CCL28: variants seen among roughly 807,000 people sequenced by gnomAD.
The protein encoded by CCL28 is C-C motif chemokine ligand 28.
CCL28 carries 4 observed loss-of-function variants against 7.1 expected under a neutral mutation model. The observed-to-expected ratio is 0.56, with a 90% CI of 0.28 to 1.29. CCL28 has a LOEUF of 1.29. Ranked by LOEUF, CCL28 falls within the 50% of genes most tolerant of loss-of-function variation. The probability of loss-of-function intolerance (pLI) is 0.11; values close to 1 mark genes in which losing one functional copy is unlikely to be tolerated. For missense variants in CCL28, 151 were observed against 163.4 expected (o/e 0.92, Z 0.41); for synonymous variants, 55 against 57.8 (o/e 0.95, Z 0.22).
the CCL28 span, among the ~76,000 whole-genome samples, chr5:43,365,510 T>C: frequency 2.0e-5 from 3 of 152,178 alleles, no homozygotes. Flanking sequence ...GGTATTGTTG[T>C]TTTTTTCTCC....
At chr5:43,402,417 T>C (rs757206801) in intron 1 of CCL28, among the ~76,000 whole-genome samples, 9 of 152,232 alleles carry the variant, frequency 5.9e-5, no homozygotes, top group South Asian at 2.1e-4. Context: ...TTATGTAAGA[T>C]GAAGATGCAG....
chr5:43,394,570 T>C (rs1429356503), intron 1 of CCL28, among the ~76,000 whole-genome samples: 2 of 152,202 alleles, frequency 1.3e-5, no homozygotes, highest in East Asian at 1.9e-4. Flanking sequence ...GTGAATGAAC[T>C]CTTTAAAAAT....
intron 1 of CCL28, 45 bp from the exon 2 acceptor site, chr5:43,388,521 G>T (rs1262767926): frequency 3.2e-6 from 5 of 1,585,376 alleles, no homozygotes; most frequent in Middle Eastern, 2.0e-4. Flanking sequence ...ACGGTTTATA[G>T]AACACTGGCA....
At chr5:43,366,756 T>A in the CCL28 span, among the ~76,000 whole-genome samples, 1 of 152,264 alleles carries the variant, frequency 6.6e-6, no homozygotes, top group East Asian at 1.9e-4. Flanking sequence ...AGCAGCCCCT[T>A]CCCCCAGGTG....
At chr5:43,365,131 A>G in the CCL28 span, among the ~76,000 whole-genome samples, 1 of 151,604 alleles carries the variant, frequency 6.6e-6, no homozygotes, top group African/African-American at 2.4e-5. Context: ...CAGCCTCCCA[A>G]GTAACTGGGA....
chr5:43,390,940 A>G lies in CCL28; in HGVS notation c.65-2464T>C, dbSNP rs36097388. ...TGGGTAGCATCTGATGTGTCTATGC[A>G]GTGAATTGAAATCAGTATTTAAATC... is the stretch of plus-strand genomic sequence containing the variant. On this transcript the variant is annotated intron_variant, in intron 1 of 2. Coordinates refer to ENST00000361115, the MANE Select transcript of CCL28 (RefSeq NM_148672.3). Among the ~76,000 whole-genome samples the G allele has an allele frequency of 7.3e-3, 1,116 of 152,322 alleles. 7 individuals carry two copies. The highest frequency in any genetic ancestry group is 0.034 in the Middle Eastern group (10 of 294).
the CCL28 span, among the ~76,000 whole-genome samples, chr5:43,368,513 AAAC>A: frequency 6.6e-6 from 1 of 152,224 alleles, no homozygotes; most frequent in Non-Finnish European, 1.5e-5. Flanking sequence ...ACTTTAAAGA[AAAC>A]AACATTTCCT....
chr5:43,399,291 A>T (rs368674075), intron 1 of CCL28, among the ~76,000 whole-genome samples: 5 of 151,660 alleles, frequency 3.3e-5, no homozygotes, highest in African/African-American at 1.2e-4. Flanking sequence ...CCTTGTTACC[A>T]CTCTTAGTTC....
downstream of CCL28, among the ~76,000 whole-genome samples, chr5:43,378,280 G>A (rs1343613685): frequency 6.6e-6 from 1 of 152,116 alleles, no homozygotes; most frequent in Admixed American, 6.5e-5. Context: ...GAGCTCAAGA[G>A]GTCAAGATTG....
intron 1 of CCL28, among the ~76,000 whole-genome samples, chr5:43,404,678 T>C (rs1007672322): frequency 2.0e-5 from 3 of 152,150 alleles, no homozygotes; most frequent in Admixed American, 6.5e-5. Flanking sequence ...TAAATGTAAT[T>C]GGGCTAAATG....
chr5:43,372,711 C>G (rs1002021215), downstream of CCL28, among the ~76,000 whole-genome samples: 1 of 151,644 alleles, frequency 6.6e-6, no homozygotes, highest in South Asian at 2.1e-4. Flanking sequence ...TTGAATTTAT[C>G]CATTCTACTG....
At chr5:43,403,685 G>T (rs565446876) in intron 1 of CCL28, among the ~76,000 whole-genome samples, 1 of 152,346 alleles carries the variant, frequency 6.6e-6, no homozygotes, top group South Asian at 2.1e-4. Context: ...GTTGAGAGAA[G>T]AAGGCTTCAG....
intron 1 of CCL28, among the ~76,000 whole-genome samples, chr5:43,395,538 C>T (rs1483139680): frequency 2.6e-5 from 4 of 151,942 alleles, no homozygotes; most frequent in South Asian, 4.1e-4. Flanking sequence ...ATTAGCCAGG[C>T]GTTGTGGCCC....
intron 1 of CCL28, among the ~76,000 whole-genome samples, chr5:43,409,708 G>A (rs548328348): frequency 6.6e-6 from 1 of 152,094 alleles, no homozygotes; most frequent in Non-Finnish European, 1.5e-5. Context: ...GGCAATTTGG[G>A]ACTCACTGCA....
chr5:43,362,630 T>C, the CCL28 span, among the ~76,000 whole-genome samples: 1 of 152,210 alleles, frequency 6.6e-6, no homozygotes, highest in Admixed American at 6.5e-5. Context: ...ATTATTTACA[T>C]AGCAGTCATT....
chr5:43,383,756 C>T (rs1428031097), intron 2 of CCL28, among the ~76,000 whole-genome samples: 1 of 152,144 alleles, frequency 6.6e-6, no homozygotes, highest in East Asian at 1.9e-4. Context: ...TTGCCTCTCC[C>T]TGTGATGTCA....
intron 1 of CCL28, among the ~76,000 whole-genome samples, chr5:43,399,540 G>A (rs1169080568): frequency 6.6e-6 from 1 of 152,094 alleles, no homozygotes; most frequent in Admixed American, 6.5e-5. Flanking sequence ...TGCTAAAAAA[G>A]TTTCTTGGAC....
the CCL28 span, among the ~76,000 whole-genome samples, chr5:43,369,399 G>T: frequency 4.6e-5 from 7 of 152,020 alleles, no homozygotes; most frequent in Non-Finnish European, 8.8e-5. Context: ...TGATATGTAT[G>T]TTATTTTATT....
At chr5:43,388,587 C>T (rs1561158466) in intron 1 of CCL28, 111 bp from the exon 2 acceptor site, 1 of 1,045,782 alleles carries the variant, frequency 9.6e-7, no homozygotes, top group East Asian at 2.6e-5. Flanking sequence ...AAACAAGGGG[C>T]AAACATGGCT....
Sources: gnomAD v4.1 joint callset for allele counts (sites outside exome capture counted in the v4.1 genomes callset) on GRCh38, gnomAD v4.1.1 for gene constraint, MANE v1.5 for transcripts, NCBI Gene and HGNC (gene_info 2026-07-23, HGNC 2026-07-21) for gene names.